The following CEMIP variants were observed in gnomAD, a reference collection of about 807,000 sequenced individuals.
The protein encoded by CEMIP is cell migration-inducing and hyaluronan-binding protein.
In CEMIP, 105 loss-of-function variants were observed where a neutral mutation model predicts 156.9. The observed-to-expected ratio is 0.67, with a 90% CI of 0.57 to 0.79. The LOEUF (loss-of-function observed/expected upper bound fraction) is 0.79, where lower values mean the gene tolerates loss of function less well. Among genes scored for constraint, CEMIP ranks in the 30% least tolerant of loss-of-function variants. CEMIP has a pLI of 0.00. For missense variants in CEMIP, 1,457 were observed against 1,769.4 expected (o/e 0.82, Z 3.17); for synonymous variants, 676 against 668.4 (o/e 1.01, Z -0.17).
At chr15:80,784,763 T>C (rs12372942) in intron 1 of CEMIP, among the ~76,000 whole-genome samples, 53,414 of 152,050 alleles carry the variant, frequency 0.35, 9,590 homozygotes, top group South Asian at 0.49. Context: ...TTGGCAGATC[T>C]GAGGTAGGGC....
intron 1 of CEMIP, among the ~76,000 whole-genome samples, chr15:80,831,365 T>C (rs1596118564): frequency 6.6e-6 from 1 of 152,090 alleles, no homozygotes; most frequent in Admixed American, 6.5e-5. Flanking sequence ...TCTGGCAGTG[T>C]CTAAGGTCAC....
At chr15:80,800,372 A>G (rs2141600478) in intron 1 of CEMIP, among the ~76,000 whole-genome samples, 1 of 152,244 alleles carries the variant, frequency 6.6e-6, no homozygotes, top group Non-Finnish European at 1.5e-5. Context: ...CTCAGGGCCT[A>G]TTGCAGGATC....
chr15:80,950,390 C>T lies in CEMIP; in HGVS notation c.*1466C>T. 1 of 152,262 alleles carries T rather than the reference C, an allele frequency of 6.6e-6. No individual in the cohort carries two copies. Among genetic ancestry groups the T allele is most frequent in the Non-Finnish European group, 1.5e-5 (1 of 68,080 alleles). 9.4% of individuals were successfully genotyped at this position (152,262 alleles called of 1,614,324 possible). On this transcript the variant is annotated 3_prime_UTR_variant, in exon 30 of 30. Coordinates refer to ENST00000394685, the MANE Select transcript of CEMIP (RefSeq NM_001293298.2). ...GTAGCTTCTGGAAATGGGGACAAGT[C>T]CCCTCGAAGGAAAGGAAATGACTAG... is the stretch of plus-strand genomic sequence containing the variant.
chr15:80,872,552 C>T (rs753371392), intron 1 of CEMIP, among the ~76,000 whole-genome samples: 60 of 152,272 alleles, frequency 3.9e-4, no homozygotes, highest in Admixed American at 9.2e-4. Context: ...TTAATTCAGG[C>T]GGGCATGGTG....
At chr15:80,883,903 G>T (rs1461372718) in intron 6 of CEMIP, among the ~76,000 whole-genome samples, 4 of 152,224 alleles carry the variant, frequency 2.6e-5, no homozygotes, top group African/African-American at 9.6e-5. Flanking sequence ...CCTGGAGCTT[G>T]AAGTCTTCAC....
intron 1 of CEMIP, among the ~76,000 whole-genome samples, chr15:80,832,924 G>A (rs28434766): frequency 0.032 from 4,945 of 152,174 alleles, 275 homozygotes; most frequent in African/African-American, 0.11. Context: ...GCTCTCAACC[G>A]AAACCTCCCC....
At position 80,924,665 on chromosome 15, in the gene CEMIP, T is replaced by G; in HGVS notation, c.2247T>G (p.Ser749=). The G allele has an allele frequency of 6.2e-7, 1 of 1,614,038 alleles. No homozygotes were observed. Among genetic ancestry groups the G allele is most frequent in the Non-Finnish European group, 8.5e-7 (1 of 1,179,976 alleles). ...ACGGAGTCAAAACCACCGAGGCCTC[T>G]GCCAAGGACAAGCGGCCGTTCCTCT... ...IDNGVKTTEA[S]AKDKRPFLSI... The change falls in exon 18 of 30, where the codon TCT becomes TCG. Residue 749 remains serine (S), a synonymous_variant. Transcript: ENST00000394685.
At chr15:80,822,393 T>C (rs1189808706) in intron 1 of CEMIP, among the ~76,000 whole-genome samples, 1 of 152,166 alleles carries the variant, frequency 6.6e-6, no homozygotes, top group South Asian at 2.1e-4. Context: ...ATATGTGCAG[T>C]CACAGCTCTG....
chr15:80,925,672 C>T lies in CEMIP; in HGVS notation c.2337C>T (p.Ala779=). The T allele has an allele frequency of 4.3e-6, 7 of 1,613,790 alleles. No homozygotes were observed. The South Asian group carries it at 7.7e-5, about 18-fold the overall frequency. ...DADPLKPREP[A]IIRHFIAYKN... ...ACCCGCTGAAGCCCCGGGAGCCGGC[C>T]ATCATCAGACACTTCATTGCCTACA... Residue 779 remains alanine (A), a synonymous_variant, in exon 19 of 30, where the codon GCC becomes GCT. Transcript: ENST00000394685.
In CEMIP at chr15:80,896,436, T is replaced by A. The variant is rs145795803; in HGVS notation, c.1411+376T>A. Reference sequence around the variant, plus strand: ...GCACATTCTCACACATTCCATTGGCTAAAGTAAGTCACATGGTAAAGCACA... The same window carrying A: ...GCACATTCTCACACATTCCATTGGCAAAAGTAAGTCACATGGTAAAGCACA... On this transcript the variant is annotated intron_variant, in intron 12 of 29. Transcript: ENST00000394685. 2.5e-3 allele frequency: 1,148 copies of A among 466,490 alleles called. 8 individuals carry two copies. Among genetic ancestry groups the A allele is most frequent in the Non-Finnish European group, 3.2e-3 (745 of 235,272 alleles). 28.9% of individuals were successfully genotyped at this position (466,490 alleles called of 1,614,324 possible).
intron 6 of CEMIP, among the ~76,000 whole-genome samples, chr15:80,881,607 G>A (rs1898662440): frequency 6.6e-6 from 1 of 152,224 alleles, no homozygotes; most frequent in South Asian, 2.1e-4. Flanking sequence ...AGTTGTGGGA[G>A]CACAGCGAGT....
At position 80,936,655 on chromosome 15, in the gene CEMIP, C is replaced by T; in HGVS notation, c.3010-19C>T. 3 of 1,602,402 alleles carry T rather than the reference C, an allele frequency of 1.9e-6. No individual in the cohort carries two copies. Among genetic ancestry groups the T allele is most frequent in the Non-Finnish European group, 2.6e-6 (3 of 1,170,370 alleles). On this transcript the variant is annotated intron_variant, in intron 23 of 29. Transcript: ENST00000394685. ...TTCGTAATAGCCTCATTGTGTGTTT[C>T]CTTTTTGGGTTTTAAAAGATGTACA...
chr15:80,814,445 C>A (rs917399930), intron 1 of CEMIP, among the ~76,000 whole-genome samples: 52 of 152,308 alleles, frequency 3.4e-4, no homozygotes, highest in African/African-American at 1.2e-3. Context: ...CCAGCTAGGG[C>A]AGCACATTGG....
intron 3 of CEMIP, among the ~76,000 whole-genome samples, chr15:80,876,345 A>C (rs769677762): frequency 1.1e-4 from 17 of 152,078 alleles, no homozygotes; most frequent in Non-Finnish European, 1.0e-4. Flanking sequence ...GCTCAGTATC[A>C]CCGCAGAGAG....
intron 1 of CEMIP, among the ~76,000 whole-genome samples, chr15:80,795,564 G>C (rs2141589290): frequency 2.6e-5 from 4 of 152,266 alleles, no homozygotes; most frequent in Middle Eastern, 6.8e-3. Context: ...GTGGGTTTGG[G>C]CTGGAGATTA....
chr15:80,820,737 A>T (rs1896890890), intron 1 of CEMIP, among the ~76,000 whole-genome samples: 4 of 152,252 alleles, frequency 2.6e-5, no homozygotes, highest in African/African-American at 9.6e-5. Flanking sequence ...TAAGTCCCTC[A>T]ACCTTTTCAA....
At chr15:80,941,251 A>G (rs2141970082) in intron 25 of CEMIP, among the ~76,000 whole-genome samples, 1 of 152,298 alleles carries the variant, frequency 6.6e-6, no homozygotes, top group South Asian at 2.1e-4. Flanking sequence ...TTCTGCACTA[A>G]AAGAACAATA....
At chr15:80,945,126 T>TCA (rs1160409787) in intron 28 of CEMIP, among the ~76,000 whole-genome samples, 1 of 152,210 alleles carries the variant, frequency 6.6e-6, no homozygotes, top group Non-Finnish European at 1.5e-5. Context: ...GGGCAGCTGC[T>TCA]CACACCAGAA....
chr15:80,880,776 C>T, intron 5 of CEMIP, 124 bp from the exon 6 acceptor site: 1 of 809,894 alleles, frequency 1.2e-6, no homozygotes, highest in Non-Finnish European at 2.2e-6. Flanking sequence ...AAAAGTGTGA[C>T]TGGCTCTATG....
Sources: gnomAD v4.1 joint callset for allele counts (sites outside exome capture counted in the v4.1 genomes callset) on GRCh38, gnomAD v4.1.1 for gene constraint, MANE v1.5 for transcripts, NCBI Gene and HGNC (gene_info 2026-07-23, HGNC 2026-07-21) for gene names.